The following IBA57 variants were observed in gnomAD, a reference collection of about 807,000 sequenced individuals.
IBA57 encodes iron-sulfur cluster assembly factor IBA57, mitochondrial.
In IBA57, 20 loss-of-function variants were observed where a neutral mutation model predicts 20.4. That is an observed-to-expected ratio of 0.98 (90% CI 0.69 to 1.42). The LOEUF (loss-of-function observed/expected upper bound fraction) is 1.42, where lower values mean the gene tolerates loss of function less well. Ranked by LOEUF, IBA57 falls within the 40% of genes most tolerant of loss-of-function variation. IBA57 has a pLI of 0.00. For synonymous variants in IBA57, 310 were observed against 233.9 expected, an observed-to-expected ratio of 1.33 and a Z score of -2.97; for missense variants, 608 against 499.3, an observed-to-expected ratio of 1.22 and a Z score of -2.07.
intron 1 of IBA57, 78 bp from the exon 2 acceptor site, chr1:228,174,614 A>G: frequency 7.5e-7 from 1 of 1,333,944 alleles, no homozygotes; most frequent in South Asian, 1.5e-5. Flanking sequence ...TGCCCGGGTA[A>G]GGCGCGCTCC....
In IBA57 at chr1:228,176,925, G is replaced by A. The variant is rs1013093126; in HGVS notation, c.*1412G>A. 1 of 152,480 alleles carries A rather than the reference G, an allele frequency of 6.6e-6. No homozygotes were observed. The highest frequency in any genetic ancestry group is 1.5e-5 in the Non-Finnish European group (1 of 68,250). The allele number at this position is 152,480 out of a possible 1,614,324, so 9.4% of individuals were successfully genotyped here. ...CTCCTATGGGCAAGGAAACAGCTAG[G>A]TGGCCCTGACCCCTGCGGTCCTGAG... On this transcript the variant is annotated 3_prime_UTR_variant, in exon 3 of 3. Transcript: ENST00000366711.
chr1:228,178,451 C>G lies in IBA57; in HGVS notation c.*2938C>G, dbSNP rs1258710559. 1 of 152,000 alleles carries G rather than the reference C, an allele frequency of 6.6e-6. No individual in the cohort carries two copies. 9.4% of individuals were successfully genotyped at this position (152,000 alleles called of 1,614,324 possible). A position where few individuals can be genotyped will look rare whatever the true frequency, so the allele number is the denominator to read the frequency against. ...AAAAAATTAGCCAGGCATGGTGGTCCACACCTGTGGTCCCACCTATTCGGG... is the reference window on the plus strand; with the variant it reads ...AAAAAATTAGCCAGGCATGGTGGTCGACACCTGTGGTCCCACCTATTCGGG... On this transcript the variant is annotated 3_prime_UTR_variant, in exon 3 of 3. Coordinates refer to ENST00000366711, the MANE Select transcript of IBA57 (RefSeq NM_001010867.4).
rs1480703887 is a variant in IBA57 at position 228,169,065 on chromosome 1, G to A, written c.341+2908G>A. Among the ~76,000 whole-genome samples, 5 of 152,186 alleles carry A rather than the reference G, an allele frequency of 3.3e-5. 1 individual carries two copies. The highest frequency in any genetic ancestry group is 9.6e-5 in the African/African-American group (4 of 41,536). ...GCTTAGGGCTGCGCTCGTTGGGCAC[G>A]TTTAGTTCAGTTCATGAGAGTGTAA... On this transcript the variant is annotated intron_variant, in intron 1 of 2. Transcript: ENST00000366711.
Position 228,170,168 on chromosome 1 carries a change from C to T in IBA57, c.341+4011C>T, listed in dbSNP as rs933657378. Among the ~76,000 whole-genome samples, 6 of 152,138 alleles carry T rather than the reference C, an allele frequency of 3.9e-5. No homozygotes were observed. Among genetic ancestry groups the T allele is most frequent in the African/African-American group, 1.4e-4 (6 of 41,410 alleles). ...ACAGGCGTGAGCCACGGCGCCCGGC[C>T]GACAGCTAATTTCTTTTAGTACTGG... On this transcript the variant is annotated intron_variant, in intron 1 of 2. Transcript: ENST00000366711. The surrounding 1 kb of genome is among the most constrained non-coding windows in gnomAD (Gnocchi z 4.8).
Position 228,170,578 on chromosome 1 carries a change from C to G in IBA57, c.342-4114C>G, listed in dbSNP as rs1369031094. On this transcript the variant is annotated intron_variant, in intron 1 of 2. Transcript: ENST00000366711. This position sits in a 1 kb window ranked among gnomAD's most constrained non-coding sequence, Gnocchi z 4.8. ...AAAGTGTTGGGATTGCGGGCATGAG[C>G]CACCATGCCTGGCCTCCTTAGGGTC... Among the ~76,000 whole-genome samples, 1 of 152,228 alleles carries G rather than the reference C, an allele frequency of 6.6e-6. No homozygotes were observed. The highest frequency in any genetic ancestry group is 1.5e-5 in the Non-Finnish European group (1 of 68,040).
At chr1:228,169,511 A>G (rs1393422196) in intron 1 of IBA57, among the ~76,000 whole-genome samples, 1 of 152,078 alleles carries the variant, frequency 6.6e-6, no homozygotes, top group Non-Finnish European at 1.5e-5. Flanking sequence ...CCAGAGTGCT[A>G]TTTTCGTCAC....
In IBA57 at chr1:228,165,830, C is replaced by T. The variant is rs1337194105; in HGVS notation, c.14C>T (p.Ala5Val). 2 of 1,305,356 alleles carry T rather than the reference C, an allele frequency of 1.5e-6. No homozygotes were observed. The highest frequency in any genetic ancestry group is 3.1e-5 in the East Asian group (1 of 32,154). The allele number at this position is 1,305,356 out of a possible 1,614,324, so 80.9% of individuals were successfully genotyped here. A position where few individuals can be genotyped will look rare whatever the true frequency, so the allele number is the denominator to read the frequency against. ...CTCTTGTCCAAGATGGCGACCGCGG[C>T]GCTGCTTCGAGGCGCCACTCCGGGG... MATA[A>V]LLRGATPGRG... Residue 5 changes from alanine (A) to valine (V), a missense_variant, in exon 1 of 3, where the codon GCG (alanine) becomes GTG (valine). Transcript: ENST00000366711.
In IBA57 at chr1:228,180,011, C is replaced by T. The variant is rs1377983009; in HGVS notation, c.*4498C>T. The T allele has an allele frequency of 1.3e-5, 2 of 151,974 alleles. No individual in the cohort carries two copies. Among genetic ancestry groups the T allele is most frequent in the Non-Finnish European group, 2.9e-5 (2 of 68,016 alleles). The allele number at this position is 151,974 out of a possible 1,614,324, so 9.4% of individuals were successfully genotyped here. A position where few individuals can be genotyped will look rare whatever the true frequency, so the allele number is the denominator to read the frequency against. On this transcript the variant is annotated 3_prime_UTR_variant, in exon 3 of 3. Transcript: ENST00000366711. ...TCTCTACTAAAAATATAAAAATTAG[C>T]TGGGTGTGGTGGCATATTCCTGTAA...
Position 228,174,645 on chromosome 1 carries a change from C to T in IBA57, c.342-47C>T, listed in dbSNP as rs370277134. ...GCTCCCTCATGCAGCCCTTTCTGGCCCACTCAGTTGGTGAGCTGCCATGCG... is the reference window on the plus strand; with the variant it reads ...GCTCCCTCATGCAGCCCTTTCTGGCTCACTCAGTTGGTGAGCTGCCATGCG... On this transcript the variant is annotated intron_variant, in intron 1 of 2. Transcript: ENST00000366711. The T allele has an allele frequency of 4.6e-3, 6,766 of 1,460,860 alleles. 26 individuals carry two copies. Among genetic ancestry groups the T allele is most frequent in the Non-Finnish European group, 5.3e-3 (5,860 of 1,102,404 alleles). The allele number at this position is 1,460,860 out of a possible 1,614,324, so 90.5% of individuals were successfully genotyped here. A position where few individuals can be genotyped will look rare whatever the true frequency, so the allele number is the denominator to read the frequency against.
At position 228,179,165 on chromosome 1, in the gene IBA57, A is replaced by G. The variant is rs551160680; in HGVS notation, c.*3652A>G. The G allele has an allele frequency of 1.3e-5, 2 of 152,022 alleles. No individual in the cohort carries two copies. The highest frequency in any genetic ancestry group is 4.1e-4 in the South Asian group (2 of 4,824). The allele number at this position is 152,022 out of a possible 1,614,324, so 9.4% of individuals were successfully genotyped here. On this transcript the variant is annotated 3_prime_UTR_variant, in exon 3 of 3. Coordinates refer to ENST00000366711, the MANE Select transcript of IBA57 (RefSeq NM_001010867.4). ...ATTGTCAACACACACACACAGTACC[A>G]TAAACAAGGCCCAGCAGAAAGGCAG... is the stretch of plus-strand genomic sequence containing the variant.
chr1:228,175,013 G>C lies in IBA57; in HGVS notation c.663G>C (p.Gln221His), dbSNP rs756032476. Residue 221 changes from glutamine (Q) to histidine (H), a missense_variant, in exon 2 of 3, where the codon CAG (glutamine) becomes CAC (histidine). Transcript: ENST00000366711. ...GRLGDLWDYH[Q>H]HRYLQGVPEG... ...TCGGGGACTTGTGGGATTATCACCA[G>C]CACCGATACCTGCAAGGTATGGGTG... is the stretch of plus-strand genomic sequence containing the variant. 10 of 1,552,772 alleles carry C rather than the reference G, an allele frequency of 6.4e-6. No homozygotes were observed. Among genetic ancestry groups the C allele is most frequent in the Non-Finnish European group, 8.7e-6 (10 of 1,146,694 alleles).
At chr1:228,168,483 T>C (rs1008156049) in intron 1 of IBA57, among the ~76,000 whole-genome samples, 2 of 152,108 alleles carry the variant, frequency 1.3e-5, no homozygotes, top group African/African-American at 4.8e-5. Context: ...GTCCTTTCTG[T>C]GTCTCAGGGC....
intron 1 of IBA57, among the ~76,000 whole-genome samples, chr1:228,166,874 C>T (rs868855646): frequency 1.3e-5 from 2 of 152,106 alleles, no homozygotes; most frequent in African/African-American, 2.4e-5. Flanking sequence ...ATGGCGGACC[C>T]GGTTCTTGTT....
chr1:228,166,066 G>T lies in IBA57; in HGVS notation c.250G>T (p.Ala84Ser), dbSNP rs2034846459. Residue 84 changes from alanine to serine, a missense_variant, in exon 1 of 3, where the codon GCG becomes TCG. Coordinates refer to ENST00000366711, the MANE Select transcript of IBA57 (RefSeq NM_001010867.4). ...CAATGAACTGCCGCTTCCGAGTCCT[G>T]CGGCCGCGGGGGCCCCGCCTGCTGC... ...LTNELPLPSPAAAGAPPAARA... is the reference protein window; with the variant it reads ...LTNELPLPSPSAAGAPPAARA... 2 of 1,536,878 alleles carry T rather than the reference G, an allele frequency of 1.3e-6. No homozygotes were observed. Among genetic ancestry groups the T allele is most frequent in the African/African-American group, 2.8e-5 (2 of 71,598 alleles).
intron 1 of IBA57, 72 bp from the exon 2 acceptor site, chr1:228,174,620 G>C (rs923114717): frequency 6.6e-6 from 9 of 1,367,038 alleles, no homozygotes; most frequent in Non-Finnish European, 7.8e-6. Context: ...GGTAAGGCGC[G>C]CTCCCTCATG....
chr1:228,169,053 C>G (rs1245915482), intron 1 of IBA57, among the ~76,000 whole-genome samples: 1 of 152,114 alleles, frequency 6.6e-6, no homozygotes, highest in Non-Finnish European at 1.5e-5. Context: ...TAGGGCTGCG[C>G]TCGTTGGGCA....
Position 228,178,587 on chromosome 1 carries a change from A to G in IBA57, c.*3074A>G, listed in dbSNP as rs1237730776. ...CAGAGCAAGACCCTGTCTTAAAACAAAGAAAGAATAAAAAAGAAGAGAAGT... is the reference window on the plus strand; with the variant it reads ...CAGAGCAAGACCCTGTCTTAAAACAGAGAAAGAATAAAAAAGAAGAGAAGT... On this transcript the variant is annotated 3_prime_UTR_variant, in exon 3 of 3. Transcript: ENST00000366711. 1.6e-5 allele frequency: 1 copy of G among 63,726 alleles called. No homozygotes were observed. The highest frequency in any genetic ancestry group is 5.2e-4 in the East Asian group (1 of 1,912). The allele number at this position is 63,726 out of a possible 1,614,324, so 3.9% of individuals were successfully genotyped here.
At position 228,182,054 on chromosome 1, in the gene IBA57, T is replaced by C. The variant is rs1337574680; in HGVS notation, c.*6541T>C. The C allele has an allele frequency of 6.6e-6, 1 of 152,082 alleles. No individual in the cohort carries two copies. The highest frequency in any genetic ancestry group is 6.5e-5 in the Admixed American group (1 of 15,280). The allele number at this position is 152,082 out of a possible 1,614,324, so 9.4% of individuals were successfully genotyped here. ...TGCGCATCGGCATTTGTGGGAGAAATGAAGGATTAATACATTTTGTTTTAT... is the reference window on the plus strand; with the variant it reads ...TGCGCATCGGCATTTGTGGGAGAAACGAAGGATTAATACATTTTGTTTTAT... On this transcript the variant is annotated 3_prime_UTR_variant, in exon 3 of 3. Coordinates refer to ENST00000366711, the MANE Select transcript of IBA57 (RefSeq NM_001010867.4).
rs2035100745 is a variant in IBA57, at chr1:228,180,940, CA to C, written c.*5428del. On this transcript the variant is annotated 3_prime_UTR_variant, in exon 3 of 3. Transcript: ENST00000366711. ...TCCTGAGTAGCTGGGACCACAGGTG[CA>C]TGCTAATTTTTAAAATTTTTTGTTT... The C allele has an allele frequency of 6.6e-6, 1 of 151,698 alleles. No individual in the cohort carries two copies. Among genetic ancestry groups the C allele is most frequent in the African/African-American group, 2.4e-5 (1 of 41,272 alleles). 9.4% of individuals were successfully genotyped at this position (151,698 alleles called of 1,614,324 possible). A position where few individuals can be genotyped will look rare whatever the true frequency, so the allele number is the denominator to read the frequency against.
Sources: allele counts gnomAD v4.1 joint callset (sites outside exome capture counted in the v4.1 genomes callset), GRCh38; gene constraint gnomAD v4.1.1; non-coding constraint Gnocchi (gnomAD v3.1); transcripts MANE v1.5; gene names NCBI Gene and HGNC (gene_info 2026-07-23, HGNC 2026-07-21).